The following COL27A1 variants were observed in gnomAD, a reference collection of about 807,000 sequenced individuals.
The protein encoded by COL27A1 is collagen type XXVII alpha 1 chain, also known as collagen alpha-1(XXVII) chain.
Under a neutral mutation model 251.3 loss-of-function variants are expected in COL27A1, and 106 were observed. The ratio of observed to expected loss-of-function variants is 0.42; its 90% CI spans 0.36 to 0.50. The LOEUF is 0.50. COL27A1 is among the 20% of genes least tolerant of loss of function. The pLI, the probability that COL27A1 is intolerant of heterozygous loss-of-function variation, is 0.00. For missense variants in COL27A1, 2,325 were observed against 2,522.8 expected (o/e 0.92, Z 1.68); for synonymous variants, 1,000 against 986.3 (o/e 1.01, Z -0.26).
At chr9:114,225,651 C>T (rs913283669) in intron 14 of COL27A1, among the ~76,000 whole-genome samples, 108 of 152,224 alleles carry the variant, frequency 7.1e-4, no homozygotes, top group Non-Finnish European at 2.9e-4. Flanking sequence ...TGTGAGTCAC[C>T]TACGGTTTTC....
In COL27A1 at chr9:114,307,694, T is replaced by C; in HGVS notation, c.5133T>C (p.Leu1711=). The change falls in exon 59 of 61, where the codon CTT becomes CTC. Residue 1711 remains leucine (L), a synonymous_variant. Transcript: ENST00000356083. The part of the protein sequence containing the change: ...VDGTYWVDPN[L]GCSSDTIEVS... The stretch of plus-strand genomic sequence containing the variant: ...GTACCTACTGGGTGGATCCAAACCT[T>C]GGCTGCTCCTCTGACACCATCGAGG... The C allele has an allele frequency of 6.2e-7, 1 of 1,614,118 alleles. No individual in the cohort carries two copies. Among genetic ancestry groups the C allele is most frequent in the Non-Finnish European group, 8.5e-7 (1 of 1,179,974 alleles).
chr9:114,217,911 C>T (rs779820583), intron 12 of COL27A1: 14 of 448,350 alleles, frequency 3.1e-5, no homozygotes, highest in Non-Finnish European at 4.5e-5. Flanking sequence ...CCCAGGAGTT[C>T]GAGACCAGCT....
intron 13 of COL27A1, among the ~76,000 whole-genome samples, chr9:114,221,788 G>A (rs1275516759): frequency 1.3e-5 from 2 of 152,200 alleles, no homozygotes; most frequent in Non-Finnish European, 1.5e-5. Context: ...AGGGAAGGAG[G>A]CTGGCTTAGA....
chr9:114,242,075 C>G, intron 21 of COL27A1, 112 bp from the exon 22 acceptor site: 1 of 934,992 alleles, frequency 1.1e-6, no homozygotes, highest in Non-Finnish European at 1.5e-6. Flanking sequence ...TTCCCTTTGT[C>G]CAGGAGGGCT....
intron 28 of COL27A1, among the ~76,000 whole-genome samples, chr9:114,260,545 C>T (rs946001372): frequency 8.5e-5 from 13 of 152,208 alleles, no homozygotes; most frequent in Non-Finnish European, 1.8e-4. Context: ...ATATGTGCCA[C>T]GGGGAATGGG....
At chr9:114,219,865 G>C (rs1830956383) in intron 13 of COL27A1, 21 bp downstream of exon 13, 1 of 1,584,434 alleles carries the variant, frequency 6.3e-7, no homozygotes, top group East Asian at 2.2e-5. Flanking sequence ...CAAGTCTTTG[G>C]GAACAGGAGC....
chr9:114,206,493 T>C (rs2135308062), intron 10 of COL27A1, among the ~76,000 whole-genome samples, 197 bp downstream of exon 10: 1 of 152,332 alleles, frequency 6.6e-6, no homozygotes, highest in East Asian at 1.9e-4. Context: ...TTGGTCCCCA[T>C]GGCCAAGAAG....
At position 114,246,082 on chromosome 9, in the gene COL27A1, C is replaced by T. The variant is rs569213312; in HGVS notation, c.2979+172C>T. The T allele has an allele frequency of 8.1e-4, 455 of 563,524 alleles. 1 individual carries two copies. The highest frequency in any genetic ancestry group is 1.0e-3 in the Non-Finnish European group (326 of 318,982). 34.9% of individuals were successfully genotyped at this position (563,524 alleles called of 1,614,324 possible). On this transcript the variant is annotated intron_variant, in intron 24 of 60. Coordinates refer to ENST00000356083, the MANE Select transcript of COL27A1 (RefSeq NM_032888.4). Reference sequence around the variant, plus strand: ...CGAATGTGGACGGTGACCCTCAGAACGGGGAAGTCTGTAAATGAGAAAGCT... The same window carrying T: ...CGAATGTGGACGGTGACCCTCAGAATGGGGAAGTCTGTAAATGAGAAAGCT...
intron 2 of COL27A1, 95 bp from the exon 3 acceptor site, chr9:114,167,594 A>G (rs1848976262): frequency 9.9e-7 from 1 of 1,006,116 alleles, no homozygotes; most frequent in African/African-American, 1.6e-5. Context: ...CTGTGGGTGG[A>G]CGGTCCACAT....
chr9:114,306,991 T>G (rs1829098807), intron 58 of COL27A1: 2 of 342,062 alleles, frequency 5.8e-6, no homozygotes, highest in Non-Finnish European at 1.1e-5. Flanking sequence ...ATTTTCCCCC[T>G]TTCTGAGCAT....
rs1007732818 is a variant in COL27A1, at chr9:114,252,614, C to T, written c.3055C>T (p.Pro1019Ser). Residue 1019 changes from proline (P) to serine (S), a missense_variant, in exon 26 of 61, where the codon CCC becomes TCC. Transcript: ENST00000356083. Reference sequence around the variant, plus strand: ...ACAGGGTGATCGTGGCATGATGGGACCCCCAGGCGTGCCTGGACCCAAGGG... The same window carrying T: ...ACAGGGTGATCGTGGCATGATGGGATCCCCAGGCGTGCCTGGACCCAAGGG... ...GEKGDRGMMG[P>S]PGVPGPKGSM... 2 of 1,613,838 alleles carry T rather than the reference C, an allele frequency of 1.2e-6. No homozygotes were observed. The highest frequency in any genetic ancestry group is 2.2e-5 in the East Asian group (1 of 44,882).
rs577822764 is a variant in COL27A1, at chr9:114,288,822, T to A, written c.4098+67T>A. ...TCAGGGAGAGGGGGGATGACACATG[T>A]CTAGAAAGAACAAGAACTTCCCAGG... On this transcript the variant is annotated intron_variant, in intron 43 of 60. Transcript: ENST00000356083. The A allele has an allele frequency of 7.0e-5, 112 of 1,604,176 alleles. No homozygotes were observed. In the African/African-American group the frequency reaches 1.3e-3, roughly 19 times the overall value.
At chr9:114,298,821 G>A (rs559876138) in intron 49 of COL27A1, among the ~76,000 whole-genome samples, 22 of 152,108 alleles carry the variant, frequency 1.4e-4, no homozygotes, top group Middle Eastern at 6.8e-3. Context: ...GCTTCCAAAG[G>A]CACCATCAAG....
Position 114,194,432 on chromosome 9 carries a change from C to T in COL27A1, c.2045C>T (p.Pro682Leu). ...CAGAAAGGGGACCCAGGGCTCTCAC[C>T]AGGAAAGGCCCACGATGGGGCAAAG... ...KGQKGDPGLS[P>L]GKAHDGAKGD... Residue 682 changes from proline (P) to leucine (L), a missense_variant, in exon 6 of 61, where the codon CCA (proline) becomes CTA (leucine). By Grantham distance (98) the Pro-to-Leu change is moderately conservative. Transcript: ENST00000356083. 1 of 1,612,816 alleles carries T rather than the reference C, an allele frequency of 6.2e-7. No individual in the cohort carries two copies. The highest frequency in any genetic ancestry group is 1.1e-5 in the South Asian group (1 of 90,694).
chr9:114,232,094 G>T (rs1167164824), intron 16 of COL27A1, among the ~76,000 whole-genome samples: 4 of 152,190 alleles, frequency 2.6e-5, no homozygotes, highest in African/African-American at 9.6e-5. Flanking sequence ...TGCAGGAGCA[G>T]CTGTTGCAGC....
chr9:114,247,008 T>C (rs1052722587), intron 24 of COL27A1, among the ~76,000 whole-genome samples: 2 of 152,144 alleles, frequency 1.3e-5, no homozygotes, highest in Non-Finnish European at 2.9e-5. Context: ...CTAAGAGCCC[T>C]AACCATATTT....
At position 114,237,681 on chromosome 9, in the gene COL27A1, G is replaced by T; in HGVS notation, c.2693G>T (p.Gly898Val). The T allele has an allele frequency of 6.2e-7, 1 of 1,614,156 alleles. No individual in the cohort carries two copies. Among genetic ancestry groups the T allele is most frequent in the South Asian group, 1.1e-5 (1 of 91,078 alleles). ...CCACAGGGCAAAGTCGGAGACAAAG[G>T]ATCCATTGGGTTTCCCGGGCCCCCT... Reference protein sequence around the residue: ...PGPLGKVGDKGSIGFPGPPGP... With the variant: ...PGPLGKVGDKVSIGFPGPPGP... Residue 898 changes from glycine (G) to valine (V), a missense_variant, in exon 19 of 61, where the codon GGA (glycine) becomes GTA (valine). Gly to Val is a moderately radical substitution (Grantham distance 109). Coordinates refer to ENST00000356083, the MANE Select transcript of COL27A1 (RefSeq NM_032888.4).
chr9:114,240,562 G>A, intron 21 of COL27A1, 75 bp downstream of exon 21: 1 of 1,422,660 alleles, frequency 7.0e-7, no homozygotes, highest in South Asian at 1.2e-5. Flanking sequence ...CCTGGGTACT[G>A]AAGGCCTTAG....
At chr9:114,306,016 G>A (rs1359028402) in intron 57 of COL27A1, among the ~76,000 whole-genome samples, 3 of 152,108 alleles carry the variant, frequency 2.0e-5, no homozygotes, top group Non-Finnish European at 4.4e-5. Context: ...GCCCCCTAGT[G>A]GAGATCTGCT....
Sources: gnomAD v4.1 joint callset for allele counts (sites outside exome capture counted in the v4.1 genomes callset) on GRCh38, gnomAD v4.1.1 for gene constraint, MANE v1.5 for transcripts, NCBI Gene and HGNC (gene_info 2026-07-23, HGNC 2026-07-21) for gene names.